SAMD5: variants seen among roughly 807,000 people sequenced by gnomAD.
SAMD5 encodes the protein sterile alpha motif domain containing 5.
In SAMD5, 13 loss-of-function variants were observed where a neutral mutation model predicts 11.3. That is an observed-to-expected ratio of 1.15 (90% CI 0.75 to 1.83). The LOEUF (loss-of-function observed/expected upper bound fraction) is 1.83, where lower values mean the gene tolerates loss of function less well. Ranked by LOEUF, SAMD5 falls within the 40% of genes most tolerant of loss-of-function variation. SAMD5 has a pLI of 0.00. For synonymous variants in SAMD5, 129 were observed against 111.3 expected (o/e 1.16, Z -1.00); for missense variants, 255 against 239.1 (o/e 1.07, Z -0.44).
chr6:147,629,705 T>TTTTCTTC (rs907891239), intron 1 of SAMD5, among the ~76,000 whole-genome samples: 2 of 152,132 alleles, frequency 1.3e-5, no homozygotes, highest in African/African-American at 4.8e-5. Flanking sequence ...ACATAGTGCT[T>TTTTCTTC]TTTCTTTCAT....
chr6:147,779,837 AC>A, the SAMD5 span, among the ~76,000 whole-genome samples: 1 of 152,228 alleles, frequency 6.6e-6, no homozygotes, highest in African/African-American at 2.4e-5. Context: ...ACTGTGAAGT[AC>A]TTCCCTGTTA....
intron 1 of SAMD5, among the ~76,000 whole-genome samples, chr6:147,592,935 C>A (rs564585260): frequency 1.3e-5 from 2 of 152,280 alleles, no homozygotes; most frequent in South Asian, 2.1e-4. Flanking sequence ...CGCTCCTAGA[C>A]TTTTGGAGCT....
chr6:147,689,957 C>A (rs530837265), intron 1 of SAMD5, among the ~76,000 whole-genome samples: 3 of 152,260 alleles, frequency 2.0e-5, no homozygotes, highest in South Asian at 4.1e-4. Flanking sequence ...AAAGAGAATT[C>A]TGTTTCCTTG....
intron 1 of SAMD5, among the ~76,000 whole-genome samples, chr6:147,584,415 T>C (rs1334305247): frequency 6.6e-6 from 1 of 152,218 alleles, no homozygotes; most frequent in Non-Finnish European, 1.5e-5. Flanking sequence ...CCATGGATGC[T>C]TCTTATCCTC....
the SAMD5 span, among the ~76,000 whole-genome samples, chr6:147,868,304 C>G: frequency 3.3e-5 from 5 of 152,088 alleles, no homozygotes; most frequent in Non-Finnish European, 5.9e-5. Flanking sequence ...TGTCAGGTTA[C>G]GAGACATTAA....
chr6:147,858,724 G>A, the SAMD5 span, among the ~76,000 whole-genome samples: 4 of 152,140 alleles, frequency 2.6e-5, no homozygotes, highest in Non-Finnish European at 4.4e-5. Flanking sequence ...AACTCTACTC[G>A]TTCCATCTTG....
At chr6:147,882,753 G>A in the SAMD5 span, among the ~76,000 whole-genome samples, 36,510 of 152,112 alleles carry the variant, frequency 0.24, 4,489 homozygotes, top group Non-Finnish European at 0.28. Flanking sequence ...ACAAAAACTT[G>A]CCATAAAATT....
chr6:147,938,477 G>T, the SAMD5 span, among the ~76,000 whole-genome samples: 1 of 152,144 alleles, frequency 6.6e-6, no homozygotes, highest in African/African-American at 2.4e-5. Flanking sequence ...AGGAGAGATG[G>T]ACCAATAAGC....
chr6:147,516,897 G>T (rs534950501), intron 1 of SAMD5, among the ~76,000 whole-genome samples: 1 of 152,288 alleles, frequency 6.6e-6, no homozygotes, highest in South Asian at 2.1e-4. Context: ...CCCAAATGAA[G>T]AATATGTTGC....
chr6:147,951,394 A>G, the SAMD5 span, among the ~76,000 whole-genome samples: 1 of 151,752 alleles, frequency 6.6e-6, no homozygotes, highest in Non-Finnish European at 1.5e-5. Flanking sequence ...GTTAGCCAGG[A>G]TGGTTTCGAT....
At chr6:147,611,410 A>C (rs1789782590) in intron 1 of SAMD5, among the ~76,000 whole-genome samples, 1 of 151,936 alleles carries the variant, frequency 6.6e-6, no homozygotes, top group East Asian at 1.9e-4. Flanking sequence ...TAAAAATAGA[A>C]AAATTAGCCA....
intron 1 of SAMD5, among the ~76,000 whole-genome samples, chr6:147,713,901 C>T (rs537516832): frequency 6.6e-6 from 1 of 152,206 alleles, no homozygotes; most frequent in African/African-American, 2.4e-5. Flanking sequence ...TTGTCCCTTC[C>T]TCATCCCTCC....
At chr6:147,656,690 A>G (rs1358448075) in intron 1 of SAMD5, among the ~76,000 whole-genome samples, 1 of 152,210 alleles carries the variant, frequency 6.6e-6, no homozygotes, top group Non-Finnish European at 1.5e-5. Context: ...TTAGATTGGC[A>G]AACTTAGAAG....
At chr6:147,661,680 A>T (rs1790649992) in intron 1 of SAMD5, among the ~76,000 whole-genome samples, 1 of 152,144 alleles carries the variant, frequency 6.6e-6, no homozygotes. Flanking sequence ...CCTGGGCTGG[A>T]GTGCAGTGGT....
chr6:147,512,996 C>T (rs1348486129), intron 1 of SAMD5, among the ~76,000 whole-genome samples: 1 of 152,040 alleles, frequency 6.6e-6, no homozygotes, highest in Non-Finnish European at 1.5e-5. Context: ...GCATATTTAG[C>T]CTGAAGAGGA....
the SAMD5 span, among the ~76,000 whole-genome samples, chr6:147,951,129 A>G: frequency 6.6e-6 from 1 of 151,532 alleles, no homozygotes; most frequent in Non-Finnish European, 1.5e-5. Context: ...TCAAAGACCA[A>G]ACTGACCCTT....
At chr6:147,599,981 A>G (rs994515507) in intron 1 of SAMD5, among the ~76,000 whole-genome samples, 13 of 151,992 alleles carry the variant, frequency 8.6e-5, no homozygotes, top group African/African-American at 3.1e-4. Context: ...GGAGGTGTGT[A>G]TGGGACCAGG....
At chr6:147,789,906 A>G in the SAMD5 span, among the ~76,000 whole-genome samples, 4 of 152,250 alleles carry the variant, frequency 2.6e-5, no homozygotes, top group African/African-American at 7.2e-5. Flanking sequence ...CACATCTATT[A>G]GAAGGGCTAA....
chr6:147,867,556 T>G, the SAMD5 span, among the ~76,000 whole-genome samples: 1 of 152,230 alleles, frequency 6.6e-6, no homozygotes, highest in Non-Finnish European at 1.5e-5. Flanking sequence ...TTCCCCTGGC[T>G]GACCCTGCGT....
Sources: gnomAD v4.1 joint callset for allele counts (sites outside exome capture counted in the v4.1 genomes callset) on GRCh38, gnomAD v4.1.1 for gene constraint, MANE v1.5 for transcripts, NCBI Gene and HGNC (gene_info 2026-07-23, HGNC 2026-07-21) for gene names.